Variants in STK3 observed in about 807,000 individuals in gnomAD.
The protein encoded by STK3 is serine/threonine kinase 3.
In STK3, 41 loss-of-function variants were observed where a neutral mutation model predicts 58.0. The ratio of observed to expected loss-of-function variants is 0.71; its 90% confidence interval spans 0.55 to 0.92. The LOEUF is 0.92. STK3 is among the 40% of genes least tolerant of loss of function. The probability of loss-of-function intolerance (pLI) is 0.00; values close to 1 mark genes in which losing one functional copy is unlikely to be tolerated. For missense variants in STK3, 479 were observed against 602.7 expected, an observed-to-expected ratio of 0.79 and a Z score of 2.15; for synonymous variants, 170 against 191.0, an observed-to-expected ratio of 0.89 and a Z score of 0.91.
At chr8:98,669,989 T>C (rs532509294) in intron 6 of STK3, among the ~76,000 whole-genome samples, 1 of 152,358 alleles carries the variant, frequency 6.6e-6, no homozygotes, top group African/African-American at 2.4e-5. Context: ...AGTAGATAAC[T>C]GTACTTTTAG....
intron 3 of STK3, among the ~76,000 whole-genome samples, chr8:98,840,239 C>A (rs1216278171): frequency 6.6e-6 from 1 of 150,850 alleles, no homozygotes; most frequent in Non-Finnish European, 1.5e-5. Context: ...TCCAGCCACT[C>A]AGGAGGCTGA....
chr8:98,825,636 G>A lies in STK3; in HGVS notation c.-96C>T. ...GGCCGGCCGAGCCTAGGGCACCACA[G>A]AGGGAAACTCTGGGAACTCGGACCA... On this transcript the variant is annotated 5_prime_UTR_variant, in exon 1 of 11. Transcript: ENST00000419617. 7 of 1,270,978 alleles carry A rather than the reference G, an allele frequency of 5.5e-6. No individual in the cohort carries two copies. Among genetic ancestry groups the A allele is most frequent in the Non-Finnish European group, 7.0e-6 (7 of 997,648 alleles). 78.7% of individuals were successfully genotyped at this position (1,270,978 alleles called of 1,614,324 possible). A position where few individuals can be genotyped will look rare whatever the true frequency, so the allele number is the denominator to read the frequency against.
At chr8:98,929,165 C>A (rs1281757635) in intron 1 of STK3, among the ~76,000 whole-genome samples, 1 of 152,168 alleles carries the variant, frequency 6.6e-6, no homozygotes, top group Non-Finnish European at 1.5e-5. Flanking sequence ...ACTTGGGAAG[C>A]TGAGGCAGGA....
intron 3 of STK3, among the ~76,000 whole-genome samples, chr8:98,410,207 A>G (rs1818039764): frequency 6.6e-6 from 1 of 152,188 alleles, no homozygotes; most frequent in Non-Finnish European, 1.5e-5. Flanking sequence ...CAAAATTGGG[A>G]GAGTCCACAG....
intron 10 of STK3, among the ~76,000 whole-genome samples, chr8:98,489,670 C>T (rs2131314683): frequency 1.3e-5 from 2 of 152,252 alleles, no homozygotes; most frequent in South Asian, 4.1e-4. Flanking sequence ...CAAGATTCCA[C>T]ACATTCAATA....
intron 3 of STK3, among the ~76,000 whole-genome samples, chr8:98,840,796 A>G (rs1256290304): frequency 2.0e-5 from 3 of 151,500 alleles, no homozygotes; most frequent in African/African-American, 7.3e-5. Flanking sequence ...ACTTATCAGG[A>G]CCCTTCAGTT....
At chr8:98,620,841 G>T (rs1361088562) in intron 6 of STK3, among the ~76,000 whole-genome samples, 2 of 150,180 alleles carry the variant, frequency 1.3e-5, no homozygotes, top group East Asian at 3.9e-4. Context: ...ATATATTTTT[G>T]TTTTTTAAGC....
intron 9 of STK3, among the ~76,000 whole-genome samples, chr8:98,535,218 C>T (rs893177128): frequency 6.6e-6 from 1 of 152,124 alleles, no homozygotes; most frequent in Non-Finnish European, 1.5e-5. Flanking sequence ...TTATCAACTG[C>T]ATTTGATAAT....
rs570496345 is a variant in STK3, at chr8:98,933,304, A to C, written c.-79+9074T>G. Among the ~76,000 whole-genome samples the C allele has an allele frequency of 2.0e-5, 3 of 152,356 alleles. No individual in the cohort carries two copies. In the East Asian group the frequency reaches 5.8e-4, roughly 29 times the overall value. On this transcript the variant is annotated intron_variant, in intron 1 of 1. Transcript: ENST00000519420. The stretch of plus-strand genomic sequence containing the variant: ...TTTGTATGTGGGGAGTTGATAAAAG[A>C]AAATACTATTGTATACAGACCGAAA...
intron 6 of STK3, among the ~76,000 whole-genome samples, chr8:98,691,375 A>G (rs1246417600): frequency 2.6e-5 from 4 of 152,214 alleles, no homozygotes; most frequent in Non-Finnish European, 1.5e-5. Context: ...ATAATCCTCT[A>G]CTTGGTAGAC....
At chr8:98,394,557 A>G (rs1817880970) in intron 3 of STK3, among the ~76,000 whole-genome samples, 1 of 152,230 alleles carries the variant, frequency 6.6e-6, no homozygotes. Context: ...AGAAAGTTTC[A>G]GCAGATTTGT....
chr8:98,597,840 A>G (rs2130003029), intron 6 of STK3: 2 of 985,198 alleles, frequency 2.0e-6, no homozygotes, highest in Non-Finnish European at 1.2e-6. Context: ...AAAAAAACAC[A>G]TATGAAACGA....
At chr8:98,758,232 T>C (rs1207275606) in intron 3 of STK3, among the ~76,000 whole-genome samples, 1 of 152,208 alleles carries the variant, frequency 6.6e-6, no homozygotes, top group Non-Finnish European at 1.5e-5. Flanking sequence ...AAAGATGAGC[T>C]GGTACCAATC....
chr8:98,725,590 T>C (rs945693155), intron 4 of STK3, among the ~76,000 whole-genome samples: 2 of 152,188 alleles, frequency 1.3e-5, no homozygotes, highest in African/African-American at 2.4e-5. Context: ...TATTAACTTA[T>C]ATATATTTCT....
chr8:98,617,044 T>C lies in STK3; in HGVS notation c.685-20875A>G, dbSNP rs990594185. 1.1e-4 allele frequency among the ~76,000 whole-genome samples: 17 copies of C among 151,578 alleles called. No individual in the cohort carries two copies. The East Asian group carries it at 2.5e-3, about 22-fold the overall frequency. On this transcript the variant is annotated intron_variant, in intron 6 of 10. Coordinates refer to ENST00000419617, the MANE Select transcript of STK3 (RefSeq NM_006281.4). Reference sequence around the variant, plus strand: ...GCACCACACCACACCTATTCCAAAATTGACCACATAGTTGGAAGTAAAGCT... The same window carrying C: ...GCACCACACCACACCTATTCCAAAACTGACCACATAGTTGGAAGTAAAGCT...
intron 6 of STK3, among the ~76,000 whole-genome samples, chr8:98,612,862 A>C (rs997419501): frequency 6.6e-6 from 1 of 152,142 alleles, no homozygotes; most frequent in African/African-American, 2.4e-5. Flanking sequence ...GTGAGAAAAG[A>C]ACAAGTAGGG....
intron 6 of STK3, among the ~76,000 whole-genome samples, chr8:98,626,738 A>G (rs191920889): frequency 1.1e-3 from 163 of 152,340 alleles, no homozygotes; most frequent in Admixed American, 2.9e-3. Context: ...CTAGGAACAA[A>G]GGAAGACTAC....
In STK3 at chr8:98,660,947, C is replaced by A. The variant is rs185859695; in HGVS notation, c.684+45520G>T. On this transcript the variant is annotated intron_variant, in intron 6 of 10. Coordinates refer to ENST00000419617, the MANE Select transcript of STK3 (RefSeq NM_006281.4). ...AGAGAATTCACTGCTAGCAGACCTG[C>A]CCTGCAAAAAACAAAAAGGAAGTTC... 5.6e-4 allele frequency among the ~76,000 whole-genome samples: 84 copies of A among 151,314 alleles called. 1 individual carries two copies. The highest frequency in any genetic ancestry group is 7.2e-4 in the Admixed American group (11 of 15,226).
intron 1 of STK3, among the ~76,000 whole-genome samples, chr8:98,798,705 A>G (rs1387849591): frequency 6.6e-6 from 1 of 152,198 alleles, no homozygotes; most frequent in Non-Finnish European, 1.5e-5. Context: ...TAAACGGTCA[A>G]TGTCATGTAT....
Sources: gnomAD v4.1 joint callset for allele counts (sites outside exome capture counted in the v4.1 genomes callset) on GRCh38, gnomAD v4.1.1 for gene constraint, MANE v1.5 for transcripts, NCBI Gene and HGNC (gene_info 2026-07-23, HGNC 2026-07-21) for gene names.